Variants in TYMS observed in about 807,000 individuals in gnomAD.
TYMS encodes the protein thymidylate synthetase, also known as thymidylate synthase.
In TYMS, 21 loss-of-function variants were observed where a neutral mutation model predicts 39.3. That is an observed-to-expected ratio of 0.54 (90% CI 0.38 to 0.77). The LOEUF (loss-of-function observed/expected upper bound fraction) is 0.77. Ranked by LOEUF, TYMS falls within the 30% of genes least tolerant of loss-of-function variation. The probability of loss-of-function intolerance (pLI) is 0.00; values close to 1 mark genes in which losing one functional copy is unlikely to be tolerated. For missense variants in TYMS, 273 were observed against 406.7 expected (o/e 0.67, Z 2.83); for synonymous variants, 171 against 162.2 (o/e 1.05, Z -0.41).
At chr18:670,584 G>C in intron 4 of TYMS, 108 bp from the exon 5 acceptor site, 1 of 1,226,944 alleles carries the variant, frequency 8.2e-7, no homozygotes. Context: ...TCTCTCTCCT[G>C]GTCTCCACCA....
At chr18:659,583 AGTTGGAT>A (rs534221299) in intron 1 of TYMS, 51 bp from the exon 2 acceptor site, 16,973 of 1,499,300 alleles carry the variant, frequency 0.011, 145 homozygotes, top group Non-Finnish European at 0.014. Context: ...CCCTGAAGAA[AGTTGGAT>A]GGCATGATCT....
In TYMS at chr18:669,160, T is replaced by C; in HGVS notation, c.543T>C (p.Ala181=). The C allele has an allele frequency of 6.2e-7, 1 of 1,614,132 alleles. No individual in the cohort carries two copies. The highest frequency in any genetic ancestry group is 1.1e-5 in the South Asian group (1 of 91,070). ...ACGACAGAAGAATCATCATGTGCGCTTGGAATCCAAGAGGTTGAAAGAACC... is the reference window on the plus strand; with the variant it reads ...ACGACAGAAGAATCATCATGTGCGCCTGGAATCCAAGAGGTTGAAAGAACC... ...NPDDRRIIMC[A]WNPRDLPLMA... Residue 181 remains alanine (A), a synonymous_variant, in exon 4 of 7, where the codon GCT becomes GCC. Coordinates refer to ENST00000323274, the MANE Select transcript of TYMS (RefSeq NM_001071.4).
chr18:666,167 AG>A, intron 3 of TYMS, among the ~76,000 whole-genome samples: 1 of 148,350 alleles, frequency 6.7e-6, no homozygotes, highest in Non-Finnish European at 1.5e-5. Flanking sequence ...TTTGTAGGTC[AG>A]ATGATTGGCA....
At chr18:669,267 C>G in intron 4 of TYMS, 94 bp downstream of exon 4, 1 of 1,013,750 alleles carries the variant, frequency 9.9e-7, no homozygotes, top group Non-Finnish European at 1.5e-6. Context: ...GAGGCAGGAC[C>G]CTGGGAACTT....
At chr18:666,400 C>T (rs2074816963) in intron 3 of TYMS, among the ~76,000 whole-genome samples, 1 of 152,112 alleles carries the variant, frequency 6.6e-6, no homozygotes, top group Non-Finnish European at 1.5e-5. Flanking sequence ...CCCAGCTCTG[C>T]AGAGGTGGAG....
In TYMS at chr18:662,292, T is replaced by G. The variant is rs1323389786; in HGVS notation, c.426T>G (p.Phe142Leu). ...GPVYGFQWRH[F>L]GAEYRDMESD... ...TTTATGGCTTCCAGTGGAGGCATTT[T>G]GGGGCAGAATACAGAGATATGGAAT... The change falls in exon 3 of 7, where the codon TTT (phenylalanine) becomes TTG (leucine). Residue 142 changes from phenylalanine to leucine, a missense_variant. This residue lies in a region of TYMS where 228 missense variants were observed against 326.1 expected (regional missense o/e 0.70). Coordinates refer to ENST00000323274, the MANE Select transcript of TYMS (RefSeq NM_001071.4). The G allele has an allele frequency of 3.1e-6, 5 of 1,612,918 alleles. No homozygotes were observed. In the Admixed American group the frequency reaches 8.4e-5, roughly 27 times the overall value.
chr18:666,877 C>A (rs895373182), intron 3 of TYMS, among the ~76,000 whole-genome samples: 1 of 144,754 alleles, frequency 6.9e-6, no homozygotes, highest in African/African-American at 2.7e-5. Flanking sequence ...TTAGGGATGA[C>A]GAAAAAGTTC....
At position 657,656 on chromosome 18, in the gene TYMS, T is replaced by A. The variant is rs1444335554; in HGVS notation, c.-87T>A. The A allele has an allele frequency of 1.2e-5, 4 of 339,624 alleles. No individual in the cohort carries two copies. The East Asian group carries it at 2.3e-4, about 19-fold the overall frequency. 21.0% of individuals were successfully genotyped at this position (339,624 alleles called of 1,614,324 possible). A position where few individuals can be genotyped will look rare whatever the true frequency, so the allele number is the denominator to read the frequency against. On this transcript the variant is annotated 5_prime_UTR_variant, in exon 1 of 7. Transcript: ENST00000323274. ...GAAGGGGTCCTGCCACCGCGCCACT[T>A]GGCCTGCCTCCGTCCCGCCGCGCCA... is the stretch of plus-strand genomic sequence containing the variant.
intron 4 of TYMS, 73 bp from the exon 5 acceptor site, chr18:670,619 C>CTGTT: frequency 6.5e-7 from 1 of 1,536,256 alleles, no homozygotes; most frequent in Non-Finnish European, 8.9e-7. Context: ...TGTTTCTCTC[C>CTGTT]TGTTTTACTT....
Position 660,968 on chromosome 18 carries a change from A to G in TYMS, c.280-1178A>G, listed in dbSNP as rs552027035. ...TGCCTTAGCTCTGTATTCTTGGGGT[A>G]TTTTGTTCTGTATTGGCCTATCTTG... is the stretch of plus-strand genomic sequence containing the variant. On this transcript the variant is annotated intron_variant, in intron 2 of 6. Transcript: ENST00000323274. This position sits in a 1 kb window ranked among gnomAD's most constrained non-coding sequence, Gnocchi z 4.6. 2.3e-4 allele frequency among the ~76,000 whole-genome samples: 35 copies of G among 152,250 alleles called. No homozygotes were observed. The highest frequency in any genetic ancestry group is 6.5e-4 in the Admixed American group (10 of 15,292).
At chr18:668,494 C>T (rs1401014261) in intron 3 of TYMS, among the ~76,000 whole-genome samples, 1 of 152,162 alleles carries the variant, frequency 6.6e-6, no homozygotes, top group Non-Finnish European at 1.5e-5. Context: ...CAGAGGTTTC[C>T]TGATGTTTCC....
intron 3 of TYMS, among the ~76,000 whole-genome samples, chr18:666,431 C>T (rs1158702580): frequency 1.3e-5 from 2 of 152,186 alleles, no homozygotes; most frequent in Non-Finnish European, 2.9e-5. Flanking sequence ...ACATCTCACT[C>T]CTGGACTTCC....
intron 3 of TYMS, 141 bp from the exon 4 acceptor site, chr18:668,931 T>C (rs2074920101): frequency 6.6e-6 from 4 of 603,804 alleles, no homozygotes; most frequent in Non-Finnish European, 1.1e-5. Context: ...CTGCAAACTT[T>C]GCAGGATGCA....
In TYMS at chr18:670,169, G is replaced by A. The variant is rs116187286; in HGVS notation, c.557-523G>A. Among the ~76,000 whole-genome samples the A allele has an allele frequency of 4.5e-3, 688 of 151,574 alleles. 2 individuals carry two copies. Among genetic ancestry groups the A allele is most frequent in the African/African-American group, 0.016 (658 of 41,294 alleles). On this transcript the variant is annotated intron_variant, in intron 4 of 6. Transcript: ENST00000323274. ...AGTGAGTTCCCATTCCTCAGCCCCA[G>A]AGCTGGGACCACAGGCGCGCGAATT... is the stretch of plus-strand genomic sequence containing the variant.
chr18:658,263 C>T lies in TYMS; in HGVS notation c.205+316C>T, dbSNP rs1037122446. The T allele has an allele frequency of 6.9e-7, 1 of 1,457,756 alleles. No individual in the cohort carries two copies. 90.3% of individuals were successfully genotyped at this position (1,457,756 alleles called of 1,614,324 possible). On this transcript the variant is annotated intron_variant, in intron 1 of 6. Coordinates refer to ENST00000323274, the MANE Select transcript of TYMS (RefSeq NM_001071.4). The surrounding 1 kb of genome is among the most constrained non-coding windows in gnomAD (Gnocchi z 4.5). ...CGGGCGTCATCGGGCAGCGTTTGCC[C>T]AGTGCTGGAGGGTTAGGGAGAGCTG...
At position 657,863 on chromosome 18, in the gene TYMS, C is replaced by T. The variant is rs2074704630; in HGVS notation, c.121C>T (p.Leu41Phe). The change falls in exon 1 of 7, where the codon CTC (leucine) becomes TTC (phenylalanine). Residue 41 changes from leucine (L) to phenylalanine (F), a missense_variant. By Grantham distance (22) the Leu-to-Phe change is conservative. Around this residue, in one of 3 missense-constraint regions of TYMS, gnomAD observed 228 missense variants for 326.1 expected, o/e 0.70. Transcript: ENST00000323274. Reference sequence around the variant, plus strand: ...GTACCTGGGGCAGATCCAACACATCCTCCGCTGCGGCGTCAGGAAGGACGA... The same window carrying T: ...GTACCTGGGGCAGATCCAACACATCTTCCGCTGCGGCGTCAGGAAGGACGA... ...LQYLGQIQHILRCGVRKDDRT... is the reference protein window; with the variant it reads ...LQYLGQIQHIFRCGVRKDDRT... 1 of 1,508,900 alleles carries T rather than the reference C, an allele frequency of 6.6e-7. No individual in the cohort carries two copies. 93.5% of individuals were successfully genotyped at this position (1,508,900 alleles called of 1,614,324 possible). A position where few individuals can be genotyped will look rare whatever the true frequency, so the allele number is the denominator to read the frequency against.
Position 657,663 on chromosome 18 carries a change from C to T in TYMS, c.-80C>T. 3.0e-6 allele frequency: 1 copy of T among 334,870 alleles called. No homozygotes were observed. The highest frequency in any genetic ancestry group is 5.6e-5 in the East Asian group (1 of 17,846). The allele number at this position is 334,870 out of a possible 1,614,324, so 20.7% of individuals were successfully genotyped here. ...TCCTGCCACCGCGCCACTTGGCCTG[C>T]CTCCGTCCCGCCGCGCCACTTGGCC... On this transcript the variant is annotated 5_prime_UTR_variant, in exon 1 of 7. Coordinates refer to ENST00000323274, the MANE Select transcript of TYMS (RefSeq NM_001071.4).
In TYMS at chr18:661,343, G is replaced by A. The variant is rs537450946; in HGVS notation, c.280-803G>A. On this transcript the variant is annotated intron_variant, in intron 2 of 6. Transcript: ENST00000323274. ...GAATGTCAGACTCACCTTGATAGTT[G>A]GAGTTACTCCATTGGTGACTCGATC... Among the ~76,000 whole-genome samples, 7 of 152,280 alleles carry A rather than the reference G, an allele frequency of 4.6e-5. No individual in the cohort carries two copies. In the South Asian group the frequency reaches 1.5e-3, roughly 32 times the overall value.
chr18:668,043 CCA>C (rs1313727520), intron 3 of TYMS, among the ~76,000 whole-genome samples: 1 of 142,526 alleles, frequency 7.0e-6, no homozygotes, highest in African/African-American at 2.7e-5. Flanking sequence ...GACACACTAC[CCA>C]GTTTCCCCCA....
Sources: gnomAD v4.1 joint callset for allele counts (sites outside exome capture counted in the v4.1 genomes callset) on GRCh38, gnomAD v4.1.1 for gene constraint, gnomAD v4.1.1 regional missense constraint, Gnocchi (gnomAD v3.1) non-coding constraint, MANE v1.5 for transcripts, NCBI Gene and HGNC (gene_info 2026-07-23, HGNC 2026-07-21) for gene names.